XYLT1: variants seen among roughly 807,000 people sequenced by gnomAD.
XYLT1 encodes xylosyltransferase 1, also known as beta-D-xylosyltransferase 1.
In XYLT1, 36 loss-of-function variants were observed where a neutral mutation model predicts 91.3. The ratio of observed to expected loss-of-function variants is 0.39; its 90% CI spans 0.30 to 0.52. The LOEUF is 0.52. Among genes scored for constraint, XYLT1 ranks in the 20% least tolerant of loss-of-function variants. The pLI, the probability that XYLT1 is intolerant of heterozygous loss-of-function variation, is 0.68. For missense variants in XYLT1, 1,242 were observed against 1,284.5 expected (o/e 0.97, Z 0.51); for synonymous variants, 588 against 532.0 (o/e 1.11, Z -1.45).
At chr16:17,467,071 G>C (rs1450362298) in intron 1 of XYLT1, among the ~76,000 whole-genome samples, 1 of 152,180 alleles carries the variant, frequency 6.6e-6, no homozygotes, top group Non-Finnish European at 1.5e-5. Flanking sequence ...GTAATGTGAA[G>C]CATGAGGAAT....
intron 5 of XYLT1, among the ~76,000 whole-genome samples, chr16:17,195,548 C>T (rs1281262341): frequency 2.6e-5 from 4 of 152,168 alleles, no homozygotes; most frequent in East Asian, 3.9e-4. Context: ...TGGGTTCAAG[C>T]GATTCTCCTG....
intron 1 of XYLT1, among the ~76,000 whole-genome samples, chr16:17,380,674 G>GTCA (rs756253885): frequency 1.3e-5 from 2 of 152,016 alleles, no homozygotes; most frequent in African/African-American, 4.8e-5. Flanking sequence ...GAAAAGAAGG[G>GTCA]GCTTGAACAG....
intron 5 of XYLT1, among the ~76,000 whole-genome samples, chr16:17,188,271 C>T (rs1376950278): frequency 1.3e-5 from 2 of 152,156 alleles, no homozygotes; most frequent in Non-Finnish European, 2.9e-5. Context: ...CCAGTACGAT[C>T]TCTCAATGTG....
intron 1 of XYLT1, among the ~76,000 whole-genome samples, chr16:17,388,968 A>G (rs1286803036): frequency 6.6e-6 from 1 of 152,182 alleles, no homozygotes; most frequent in Non-Finnish European, 1.5e-5. Flanking sequence ...CTCATCCTTT[A>G]TAAGGTAACA....
chr16:17,129,998 G>A (rs549430639), intron 9 of XYLT1, among the ~76,000 whole-genome samples: 9 of 152,350 alleles, frequency 5.9e-5, no homozygotes, highest in Admixed American at 2.6e-4. Flanking sequence ...CTGAGCCAGG[G>A]CCTCAAGATG....
intron 5 of XYLT1, among the ~76,000 whole-genome samples, chr16:17,160,683 G>A (rs536124732): frequency 2.5e-4 from 38 of 152,218 alleles, no homozygotes; most frequent in Non-Finnish European, 5.4e-4. Context: ...GCTCGCAAAG[G>A]GCTAACCCCA....
intron 2 of XYLT1, among the ~76,000 whole-genome samples, chr16:17,314,358 T>G (rs1305333643): frequency 6.6e-6 from 1 of 152,134 alleles, no homozygotes; most frequent in Non-Finnish European, 1.5e-5. Flanking sequence ...GGAAAAGTGC[T>G]TAGTCAGCCC....
intron 1 of XYLT1, among the ~76,000 whole-genome samples, chr16:17,425,461 A>T (rs1455616822): frequency 2.0e-5 from 3 of 152,240 alleles, no homozygotes; most frequent in African/African-American, 7.2e-5. Flanking sequence ...TAAATCAACC[A>T]AGAAGGTGTA....
chr16:17,145,011 A>C (rs1410764908), intron 6 of XYLT1, among the ~76,000 whole-genome samples: 3 of 152,180 alleles, frequency 2.0e-5, no homozygotes, highest in African/African-American at 7.2e-5. Context: ...AACCCCATAC[A>C]CATTACACAG....
intron 3 of XYLT1, among the ~76,000 whole-genome samples, chr16:17,200,931 T>G (rs1169426477): frequency 6.6e-6 from 1 of 152,202 alleles, no homozygotes; most frequent in African/African-American, 2.4e-5. Context: ...ATTAAGCTAC[T>G]GAACAAGGCA....
intron 2 of XYLT1, among the ~76,000 whole-genome samples, chr16:17,290,201 C>T (rs1418425838): frequency 6.6e-6 from 1 of 152,212 alleles, no homozygotes; most frequent in Non-Finnish European, 1.5e-5. Flanking sequence ...GGCTGAAAGC[C>T]ACATCTTCAA....
chr16:17,362,257 ATCTG>A (rs148550464), intron 1 of XYLT1, among the ~76,000 whole-genome samples: 5 of 151,880 alleles, frequency 3.3e-5, no homozygotes, highest in East Asian at 3.9e-4. Context: ...TTTTTTTACC[ATCTG>A]TCTTTTTTAA....
At chr16:17,257,679 C>T (rs542573507) in intron 3 of XYLT1, among the ~76,000 whole-genome samples, 113 of 152,052 alleles carry the variant, frequency 7.4e-4, no homozygotes, top group Admixed American at 7.9e-4. Flanking sequence ...TGAGTGGGTC[C>T]GAAATTTCCT....
chr16:17,162,131 G>C (rs1443253144), intron 5 of XYLT1, among the ~76,000 whole-genome samples: 1 of 152,084 alleles, frequency 6.6e-6, no homozygotes, highest in African/African-American at 2.4e-5. Context: ...ATTTTGGCTG[G>C]GTGTGGTAGC....
intron 1 of XYLT1, among the ~76,000 whole-genome samples, chr16:17,414,710 G>A (rs535164703): frequency 2.0e-4 from 31 of 152,146 alleles, no homozygotes; most frequent in Non-Finnish European, 3.5e-4. Flanking sequence ...TCCTGGTTAA[G>A]GCTATGGAGC....
intron 1 of XYLT1, among the ~76,000 whole-genome samples, chr16:17,384,348 G>A (rs12149781): frequency 0.31 from 46,409 of 151,490 alleles, 7,759 homozygotes; most frequent in Non-Finnish European, 0.38. Flanking sequence ...GGCCCATTCT[G>A]TCTCTCGGCT....
chr16:17,320,014 C>G (rs1288724744), intron 2 of XYLT1, among the ~76,000 whole-genome samples: 1 of 152,196 alleles, frequency 6.6e-6, no homozygotes, highest in Non-Finnish European at 1.5e-5. Flanking sequence ...TCTGGCTCTT[C>G]TGGGACTAGC....
In XYLT1 at chr16:17,105,199, G is replaced by T. The variant is rs1194430515; in HGVS notation, c.*3496C>A. The stretch of plus-strand genomic sequence containing the variant: ...GCATCTTTTTGGCAGAAAGCTTAAG[G>T]TTCTAGCCAGTGTCTTCTGTGTTAT... On this transcript the variant is annotated 3_prime_UTR_variant, in exon 12 of 12. Transcript: ENST00000261381. 2 of 152,178 alleles carry T rather than the reference G, an allele frequency of 1.3e-5. No homozygotes were observed. Among genetic ancestry groups the T allele is most frequent in the Admixed American group, 6.5e-5 (1 of 15,278 alleles). 9.4% of individuals were successfully genotyped at this position (152,178 alleles called of 1,614,324 possible).
At position 17,311,832 on chromosome 16, in the gene XYLT1, A is replaced by G. The variant is rs182318612; in HGVS notation, c.402+46180T>C. Reference sequence around the variant, plus strand: ...AGGCAAAAGGCACGTCTTACATGGCAGCAGGCAAAAGGAAAATGAGAGCCA... The same window carrying G: ...AGGCAAAAGGCACGTCTTACATGGCGGCAGGCAAAAGGAAAATGAGAGCCA... On this transcript the variant is annotated intron_variant, in intron 2 of 11. Coordinates refer to ENST00000261381, the MANE Select transcript of XYLT1 (RefSeq NM_022166.4). Among the ~76,000 whole-genome samples, 23 of 141,182 alleles carry G rather than the reference A, an allele frequency of 1.6e-4. No individual in the cohort carries two copies. In the East Asian group the frequency reaches 4.7e-3, roughly 29 times the overall value. 92.6% of individuals were successfully genotyped at this position (141,182 alleles called of 152,430 possible).
Sources: allele counts gnomAD v4.1 joint callset (sites outside exome capture counted in the v4.1 genomes callset), GRCh38; gene constraint gnomAD v4.1.1; transcripts MANE v1.5; gene names NCBI Gene and HGNC (gene_info 2026-07-23, HGNC 2026-07-21).